The following SRPK2 variants were observed in gnomAD, a reference collection of about 807,000 sequenced individuals.
The protein encoded by SRPK2 is SFRS protein kinase 2.
A neutral mutation model predicts 90.8 loss-of-function variants in SRPK2; 21 were observed. The ratio of observed to expected loss-of-function variants is 0.23; its 90% CI spans 0.16 to 0.33. SRPK2 has a LOEUF of 0.33. SRPK2 is among the 10% of genes least tolerant of loss of function. The probability of loss-of-function intolerance (pLI) is 1.00; values close to 1 mark genes in which losing one functional copy is unlikely to be tolerated. For missense variants in SRPK2, 620 were observed against 869.0 expected (o/e 0.71, Z 3.60); for synonymous variants, 288 against 311.1 (o/e 0.93, Z 0.78).
intron 2 of SRPK2, among the ~76,000 whole-genome samples, chr7:105,312,829 G>A (rs1250238065): frequency 6.6e-6 from 1 of 152,118 alleles, no homozygotes; most frequent in Non-Finnish European, 1.5e-5. Flanking sequence ...TAGAAATGAG[G>A]TCTCACTATG....
chr7:105,230,823 A>C (rs1338987799), intron 2 of SRPK2, among the ~76,000 whole-genome samples: 1 of 152,208 alleles, frequency 6.6e-6, no homozygotes, highest in African/African-American at 2.4e-5. Flanking sequence ...AAATAAACCA[A>C]CCATTTTTCA....
chr7:105,297,536 A>G (rs1304278046), intron 2 of SRPK2: 19 of 981,382 alleles, frequency 1.9e-5, no homozygotes, highest in Non-Finnish European at 2.1e-5. Context: ...GTTCACTCCT[A>G]TAAAAGATAA....
At chr7:105,176,125 T>C (rs1361352472) in intron 3 of SRPK2, among the ~76,000 whole-genome samples, 1 of 152,124 alleles carries the variant, frequency 6.6e-6, no homozygotes, top group Non-Finnish European at 1.5e-5. Flanking sequence ...GGATAAAACA[T>C]CATGATCAAA....
intron 2 of SRPK2, among the ~76,000 whole-genome samples, chr7:105,241,206 G>A (rs897946881): frequency 2.6e-5 from 4 of 152,180 alleles, no homozygotes; most frequent in Admixed American, 6.5e-5. Flanking sequence ...GCTAAATTTA[G>A]ATGTTCCTTC....
chr7:105,326,525 A>G (rs192095405), intron 2 of SRPK2, among the ~76,000 whole-genome samples: 183 of 152,330 alleles, frequency 1.2e-3, no homozygotes, highest in African/African-American at 4.2e-3. Context: ...TGGCAAGATC[A>G]TGACTGGCCT....
chr7:105,127,085 C>CTAA, intron 13 of SRPK2, 23 bp from the exon 14 acceptor site: 1 of 1,613,510 alleles, frequency 6.2e-7, no homozygotes, highest in Non-Finnish European at 8.5e-7. Context: ...AGACGACATG[C>CTAA]TAAGCACTTC....
chr7:105,389,528 T>G (rs1318858672), upstream of SRPK2: 4 of 734,554 alleles, frequency 5.4e-6, no homozygotes, highest in Non-Finnish European at 7.1e-6. Context: ...AAGGAAAAGA[T>G]ACAGATAGCA....
chr7:105,312,658 C>T (rs892007793), intron 2 of SRPK2, among the ~76,000 whole-genome samples: 2 of 152,114 alleles, frequency 1.3e-5, no homozygotes, highest in Non-Finnish European at 2.9e-5. Flanking sequence ...ATTCCTGAAT[C>T]CATAAGTCAC....
At chr7:105,197,524 T>C (rs187321009) in intron 3 of SRPK2, among the ~76,000 whole-genome samples, 1 of 152,292 alleles carries the variant, frequency 6.6e-6, no homozygotes, top group Admixed American at 6.5e-5. Context: ...GCCTATCCCG[T>C]ACTTGCAACC....
At chr7:105,167,873 A>C in intron 5 of SRPK2, 135 bp downstream of exon 5, 5 of 678,712 alleles carry the variant, frequency 7.4e-6, no homozygotes, top group Non-Finnish European at 1.2e-5. Flanking sequence ...GGCCTCCCAA[A>C]GTGCTGAGAT....
chr7:105,156,602 G>C (rs1031490967), intron 7 of SRPK2, among the ~76,000 whole-genome samples: 3 of 152,128 alleles, frequency 2.0e-5, no homozygotes, highest in Non-Finnish European at 2.9e-5. Flanking sequence ...TTGGGCTCAA[G>C]TGATCCTCCG....
chr7:105,200,391 T>C (rs1373815583), intron 3 of SRPK2, among the ~76,000 whole-genome samples: 1 of 151,824 alleles, frequency 6.6e-6, no homozygotes, highest in Non-Finnish European at 1.5e-5. Flanking sequence ...AAGAACAAAA[T>C]TTGGGATAAT....
intron 2 of SRPK2, among the ~76,000 whole-genome samples, chr7:105,281,538 A>C (rs904882146): frequency 6.6e-6 from 1 of 152,206 alleles, no homozygotes; most frequent in African/African-American, 2.4e-5. Flanking sequence ...CTGCAGTCCT[A>C]GCTACGTGGA....
intron 3 of SRPK2, among the ~76,000 whole-genome samples, chr7:105,178,927 A>G (rs1310721081): frequency 6.6e-6 from 1 of 152,230 alleles, no homozygotes; most frequent in Non-Finnish European, 1.5e-5. Flanking sequence ...CATTCACCAC[A>G]GAAGAAACAC....
At chr7:105,144,404 C>A (rs1804249205) in intron 9 of SRPK2, among the ~76,000 whole-genome samples, 1 of 151,910 alleles carries the variant, frequency 6.6e-6, no homozygotes, top group South Asian at 2.1e-4. Flanking sequence ...GCACACTCAG[C>A]TAGTTTTTGC....
chr7:105,167,266 T>G, intron 6 of SRPK2, 111 bp downstream of exon 6: 1 of 825,326 alleles, frequency 1.2e-6, no homozygotes. Context: ...ACAATGTTCC[T>G]AGAGTGTTTA....
chr7:105,254,688 GTTA>G (rs1287298388), intron 2 of SRPK2, among the ~76,000 whole-genome samples: 1 of 151,698 alleles, frequency 6.6e-6, no homozygotes, highest in East Asian at 1.9e-4. Flanking sequence ...TGTTGTTGTT[GTTA>G]TTGTTGTTGT....
chr7:105,125,085 G>T (rs911039108), intron 15 of SRPK2, among the ~76,000 whole-genome samples: 1 of 143,542 alleles, frequency 7.0e-6, no homozygotes, highest in Non-Finnish European at 1.5e-5. Context: ...AGCTAAGATT[G>T]CGCCACTCCA....
chr7:105,295,385 T>C (rs1809670990), intron 2 of SRPK2, among the ~76,000 whole-genome samples: 1 of 152,080 alleles, frequency 6.6e-6, no homozygotes, highest in Non-Finnish European at 1.5e-5. Flanking sequence ...ACTAATTACA[T>C]GAATAAGACT....
Sources: gnomAD v4.1 joint callset for allele counts (sites outside exome capture counted in the v4.1 genomes callset) on GRCh38, gnomAD v4.1.1 for gene constraint, MANE v1.5 for transcripts, NCBI Gene and HGNC (gene_info 2026-07-23, HGNC 2026-07-21) for gene names.